KRT36: variants seen among roughly 807,000 people sequenced by gnomAD.
The protein encoded by KRT36 is keratin, type I cuticular Ha6.
In KRT36, 41 loss-of-function variants were observed where a neutral mutation model predicts 43.0. The observed-to-expected ratio is 0.95, with a 90% CI of 0.74 to 1.24. The LOEUF (loss-of-function observed/expected upper bound fraction) is 1.24. KRT36 is among the 50% of genes most tolerant of loss of function. The pLI, the probability that KRT36 is intolerant of heterozygous loss-of-function variation, is 0.00. For missense variants in KRT36, 627 were observed against 595.3 expected (o/e 1.05, Z -0.55); for synonymous variants, 277 against 252.9 (o/e 1.10, Z -0.90).
chr17:41,489,897 G>C lies in KRT36; in HGVS notation c.-33C>G. The C allele has an allele frequency of 6.4e-7, 1 of 1,570,964 alleles. No homozygotes were observed. The highest frequency in any genetic ancestry group is 1.1e-5 in the South Asian group (1 of 89,020). ...GCAGAGGAAGGTTGCAGCTTAGCAA[G>C]GAGCTCAGGTTCTGGACTCTCAAGG... On this transcript the variant is annotated 5_prime_UTR_variant, in exon 1 of 7. Transcript: ENST00000328119.
At chr17:41,486,597 G>T (rs1351608084) in intron 6 of KRT36, 26 bp from the exon 7 acceptor site, 2 of 1,505,212 alleles carry the variant, frequency 1.3e-6, no homozygotes, top group Non-Finnish European at 1.8e-6. Context: ...CATGCAGGGT[G>T]CATTTGGCAT....
intron 5 of KRT36, 31 bp from the exon 6 acceptor site, chr17:41,487,201 T>C: frequency 1.3e-6 from 2 of 1,598,996 alleles, no homozygotes; most frequent in Non-Finnish European, 1.7e-6. Context: ...AGCTGCCTAT[T>C]GGGGAGGAAT....
At position 41,489,809 on chromosome 17, in the gene KRT36, C is replaced by T; in HGVS notation, c.56G>A (p.Cys19Tyr). Residue 19 changes from cysteine to tyrosine, a missense_variant, in exon 1 of 7, where the codon TGT becomes TAT. Physicochemically the swap from Cys to Tyr is radical, Grantham distance 194. Coordinates refer to ENST00000328119, the MANE Select transcript of KRT36 (RefSeq NM_003771.5). Reference protein sequence around the residue: ...TFSTGSIKGLCGTAGGISRVS... With the variant: ...TFSTGSIKGLYGTAGGISRVS... ...CCGAGAGATGCCGCCTGCTGTGCCA[C>T]AGAGGCCCTTGATAGACCCAGTGGA... is the stretch of plus-strand genomic sequence containing the variant. 1.9e-6 allele frequency: 3 copies of T among 1,613,702 alleles called. No individual in the cohort carries two copies. The highest frequency in any genetic ancestry group is 2.5e-6 in the Non-Finnish European group (3 of 1,179,994).
Position 41,486,454 on chromosome 17 carries a change from C to A in KRT36, c.1326G>T (p.Gln442His), listed in dbSNP as rs778423645. The change falls in exon 7 of 7, where the codon CAG (glutamine) becomes CAT (histidine). Residue 442 changes from glutamine to histidine, a missense_variant. Physicochemically the swap from Gln to His is conservative, Grantham distance 24 (BLOSUM62 0). Transcript: ENST00000328119. ...PCTPAPQVGTQIRTITEEIRD... is the reference protein window; with the variant it reads ...PCTPAPQVGTHIRTITEEIRD... ...TGATCTCCTCGGTGATGGTGCGGAT[C>A]TGAGTGCCAACCTGGGGAGCCGGGG... is the stretch of plus-strand genomic sequence containing the variant. The A allele has an allele frequency of 5.5e-5, 89 of 1,613,998 alleles. No individual in the cohort carries two copies. Among genetic ancestry groups the A allele is most frequent in the Non-Finnish European group, 7.5e-5 (88 of 1,180,026 alleles).
chr17:41,487,507 T>C (rs779482635), intron 4 of KRT36, 31 bp from the exon 5 acceptor site: 2 of 1,613,572 alleles, frequency 1.2e-6, no homozygotes, highest in South Asian at 2.2e-5. Flanking sequence ...CAGAGCATGG[T>C]CAAACCAAGC....
chr17:41,487,285 G>C, intron 5 of KRT36, 66 bp downstream of exon 5: 1 of 1,581,958 alleles, frequency 6.3e-7, no homozygotes, highest in Non-Finnish European at 8.6e-7. Flanking sequence ...GAGCCTGCAC[G>C]CTGAGGCTGG....
In KRT36 at chr17:41,487,387, G is replaced by A. The variant is rs542239551; in HGVS notation, c.951C>T (p.Asn317=). The A allele has an allele frequency of 2.9e-5, 46 of 1,613,164 alleles. No individual in the cohort carries two copies. The highest frequency in any genetic ancestry group is 4.5e-5 in the East Asian group (2 of 44,890). Residue 317 remains asparagine, a synonymous_variant, in exon 5 of 7, where the codon AAC becomes AAT. Coordinates refer to ENST00000328119, the MANE Select transcript of KRT36 (RefSeq NM_003771.5). Reference sequence around the variant, plus strand: ...GAGCCTGCAGCTCAATCTCTAGCGCGTTGACCGTACGTCTCAGCTCGATGA... The same window carrying A: ...GAGCCTGCAGCTCAATCTCTAGCGCATTGACCGTACGTCTCAGCTCGATGA... The part of the protein sequence containing the change: ...TEIIELRRTV[N]ALEIELQAQH...
rs1002253929 is a variant in KRT36 at position 41,489,482 on chromosome 17, C to G, written c.383G>C (p.Trp128Ser). 6.2e-7 allele frequency: 1 copy of G among 1,614,110 alleles called. No homozygotes were observed. The highest frequency in any genetic ancestry group is 1.3e-5 in the African/African-American group (1 of 74,926). ...GATGTATGGGATCTGAAACTCGTAC[C>G]ACTCCTGGATGCGGCTCTCCAGCTC... The part of the protein sequence containing the change: ...NAELESRIQE[W>S]YEFQIPYICP... Residue 128 changes from tryptophan (W) to serine (S), a missense_variant, in exon 1 of 7, where the codon TGG (tryptophan) becomes TCG (serine). Physicochemically the swap from Trp to Ser is radical, Grantham distance 177 (BLOSUM62 -3). Coordinates refer to ENST00000328119, the MANE Select transcript of KRT36 (RefSeq NM_003771.5).
Position 41,489,641 on chromosome 17 carries a change from G to A in KRT36, c.224C>T (p.Ser75Phe). ...GSYLSSECHT[S>F]GFVGSGGWFC... ...CCAGCCCCCGCTCCCCACAAAGCCA[G>A]AGGTGTGGCACTCAGAAGACAGGTA... is the stretch of plus-strand genomic sequence containing the variant. The change falls in exon 1 of 7, where the codon TCT becomes TTT. Residue 75 changes from serine to phenylalanine, a missense_variant. Ser to Phe is a radical substitution (Grantham distance 155). Coordinates refer to ENST00000328119, the MANE Select transcript of KRT36 (RefSeq NM_003771.5). 1 of 1,614,216 alleles carries A rather than the reference G, an allele frequency of 6.2e-7. No individual in the cohort carries two copies. Among genetic ancestry groups the A allele is most frequent in the Non-Finnish European group, 8.5e-7 (1 of 1,180,042 alleles).
Position 41,486,403 on chromosome 17 carries a change from C to T in KRT36, c.1377G>A (p.Arg459=), listed in dbSNP as rs1904382132. The T allele has an allele frequency of 1.9e-6, 3 of 1,613,880 alleles. No individual in the cohort carries two copies. Among genetic ancestry groups the T allele is most frequent in the Non-Finnish European group, 2.5e-6 (3 of 1,180,000 alleles). The change falls in exon 7 of 7, where the codon AGG becomes AGA. Residue 459 remains arginine (R), a synonymous_variant. Coordinates refer to ENST00000328119, the MANE Select transcript of KRT36 (RefSeq NM_003771.5). The stretch of plus-strand genomic sequence containing the variant: ...ACAGCGGGCGGGACTGCACGTGCTC[C>T]CTGGAGGAGATGACTTTCCCATCTC... ...EIRDGKVISS[R]EHVQSRPL
Position 41,489,406 on chromosome 17 carries a change from C to G in KRT36, c.459G>C (p.Lys153Asn). Reference protein sequence around the residue: ...YFKTIEDFQQKILLTKSENAR... With the variant: ...YFKTIEDFQQNILLTKSENAR... ...TGGAAAGGGGCCAGGTCTCCCTCACCTTCTGCTGGAAATCTTCGATGGTCT... is the reference window on the plus strand; with the variant it reads ...TGGAAAGGGGCCAGGTCTCCCTCACGTTCTGCTGGAAATCTTCGATGGTCT... Residue 153 changes from lysine to asparagine, a missense_variant and splice_region_variant, in exon 1 of 7, where the codon AAG becomes AAC. Lys to Asn is a moderately conservative substitution (Grantham distance 94, BLOSUM62 0). Coordinates refer to ENST00000328119, the MANE Select transcript of KRT36 (RefSeq NM_003771.5). 6.2e-7 allele frequency: 1 copy of G among 1,612,668 alleles called. No homozygotes were observed. Among genetic ancestry groups the G allele is most frequent in the Non-Finnish European group, 8.5e-7 (1 of 1,178,716 alleles).
chr17:41,489,837 A>G lies in KRT36; in HGVS notation c.28T>C (p.Phe10Leu). 6.2e-7 allele frequency: 1 copy of G among 1,613,220 alleles called. No homozygotes were observed. Among genetic ancestry groups the G allele is most frequent in the Non-Finnish European group, 8.5e-7 (1 of 1,179,786 alleles). Reference sequence around the variant, plus strand: ...AGGCCCTTGATAGACCCAGTGGAGAAGGTAGGGGTGCAGGTCTGGGTGGCC... The same window carrying G: ...AGGCCCTTGATAGACCCAGTGGAGAGGGTAGGGGTGCAGGTCTGGGTGGCC... The part of the protein sequence containing the change: MATQTCTPT[F>L]STGSIKGLCG... The change falls in exon 1 of 7, where the codon TTC becomes CTC. Residue 10 changes from phenylalanine to leucine, a missense_variant. By Grantham distance (22) the Phe-to-Leu change is conservative (BLOSUM62 0). Transcript: ENST00000328119.
At chr17:41,488,594 G>T (rs1422403375) in intron 2 of KRT36, 48 bp downstream of exon 2, 1 of 1,579,008 alleles carries the variant, frequency 6.3e-7, no homozygotes, top group African/African-American at 1.3e-5. Flanking sequence ...GCAGGGGACA[G>T]AGGCAAGGGA....
At position 41,489,453 on chromosome 17, in the gene KRT36, G is replaced by C. The variant is rs147247343; in HGVS notation, c.412C>G (p.Pro138Ala). 7,921 of 1,614,222 alleles carry C rather than the reference G, an allele frequency of 4.9e-3. 22 individuals are homozygous for C. Among genetic ancestry groups the C allele is most frequent in the Non-Finnish European group, 6.0e-3 (7,119 of 1,180,040 alleles). Residue 138 changes from proline to alanine, a missense_variant, in exon 1 of 7, where the codon CCA (proline) becomes GCA (alanine). Coordinates refer to ENST00000328119, the MANE Select transcript of KRT36 (RefSeq NM_003771.5). ...WYEFQIPYIC[P>A]DYQSYFKTIE... ...GTCTTGAAGTAGGACTGGTAGTCTG[G>C]GCAGATGTATGGGATCTGAAACTCG...
At position 41,486,419 on chromosome 17, in the gene KRT36, T is replaced by G; in HGVS notation, c.1361A>C (p.Lys454Thr). 2 of 1,614,082 alleles carry G rather than the reference T, an allele frequency of 1.2e-6. No homozygotes were observed. Among genetic ancestry groups the G allele is most frequent in the South Asian group, 2.2e-5 (2 of 91,082 alleles). Residue 454 changes from lysine to threonine, a missense_variant, in exon 7 of 7, where the codon AAA becomes ACA. Transcript: ENST00000328119. The part of the protein sequence containing the change: ...RTITEEIRDG[K>T]VISSREHVQS... ...CACGTGCTCCCTGGAGGAGATGACT[T>G]TCCCATCTCTGATCTCCTCGGTGAT...
At position 41,487,034 on chromosome 17, in the gene KRT36, T is replaced by A; in HGVS notation, c.1124A>T (p.Glu375Val). 1 of 1,614,194 alleles carries A rather than the reference T, an allele frequency of 6.2e-7. No homozygotes were observed. The highest frequency in any genetic ancestry group is 8.5e-7 in the Non-Finnish European group (1 of 1,180,024). ...CTTGACGTCCAGTAACACCTGGTAC[T>A]CCTGGTTCTGCCGCTCCAGGTCGCA... ...IRCDLERQNQ[E>V]YQVLLDVKAR... Residue 375 changes from glutamate (E) to valine (V), a missense_variant, in exon 6 of 7, where the codon GAG (glutamate) becomes GTG (valine). By Grantham distance (121) the Glu-to-Val change is moderately radical. Transcript: ENST00000328119.
chr17:41,487,045 C>T lies in KRT36; in HGVS notation c.1113G>A (p.Arg371=). The part of the protein sequence containing the change: ...QLSEIRCDLE[R]QNQEYQVLLD... ...GTAACACCTGGTACTCCTGGTTCTGCCGCTCCAGGTCGCAGCGGATCTCAG... is the reference window on the plus strand; with the variant it reads ...GTAACACCTGGTACTCCTGGTTCTGTCGCTCCAGGTCGCAGCGGATCTCAG... Residue 371 remains arginine, a synonymous_variant, in exon 6 of 7, where the codon CGG becomes CGA. Transcript: ENST00000328119. The T allele has an allele frequency of 1.2e-6, 2 of 1,614,220 alleles. No homozygotes were observed. The highest frequency in any genetic ancestry group is 1.7e-6 in the Non-Finnish European group (2 of 1,180,034).
In KRT36 at chr17:41,489,893, G is replaced by A. The variant is rs1904524185; in HGVS notation, c.-29C>T. On this transcript the variant is annotated 5_prime_UTR_variant, in exon 1 of 7. Transcript: ENST00000328119. ...GCTAGCAGAGGAAGGTTGCAGCTTA[G>A]CAAGGAGCTCAGGTTCTGGACTCTC... 2 of 1,580,110 alleles carry A rather than the reference G, an allele frequency of 1.3e-6. No individual in the cohort carries two copies. The highest frequency in any genetic ancestry group is 1.7e-6 in the Non-Finnish European group (2 of 1,153,560).
chr17:41,488,969 G>A (rs762596995), intron 1 of KRT36, among the ~76,000 whole-genome samples: 1 of 152,202 alleles, frequency 6.6e-6, no homozygotes, highest in Non-Finnish European at 1.5e-5. Flanking sequence ...ACACCAGGGT[G>A]AGGCAGACCT....
Sources: gnomAD v4.1 joint callset for allele counts (sites outside exome capture counted in the v4.1 genomes callset) on GRCh38, gnomAD v4.1.1 for gene constraint, MANE v1.5 for transcripts, NCBI Gene and HGNC (gene_info 2026-07-23, HGNC 2026-07-21) for gene names.